DRD3: variants seen among roughly 807,000 people sequenced by gnomAD.
DRD3 encodes dopamine receptor D3.
DRD3 carries 19 observed loss-of-function variants against 36.3 expected under a neutral mutation model. The ratio of observed to expected loss-of-function variants is 0.52; its 90% CI spans 0.36 to 0.77. The LOEUF (loss-of-function observed/expected upper bound fraction) is 0.77, where lower values mean the gene tolerates loss of function less well. DRD3 is among the 30% of genes least tolerant of loss of function. The pLI, the probability that DRD3 is intolerant of heterozygous loss-of-function variation, is 0.00. For missense variants in DRD3, 465 were observed against 505.3 expected, an observed-to-expected ratio of 0.92 and a Z score of 0.77; for synonymous variants, 195 against 203.7, an observed-to-expected ratio of 0.96 and a Z score of 0.36.
intron 4 of DRD3, 72 bp downstream of exon 4, chr3:114,147,343 C>T: frequency 1.3e-6 from 2 of 1,561,072 alleles, no homozygotes; most frequent in Non-Finnish European, 1.8e-6. Flanking sequence ...CAGGGCTGAG[C>T]ACAACTCACA....
At chr3:114,177,251 A>G (rs2077908801) in intron 1 of DRD3, among the ~76,000 whole-genome samples, 1 of 152,170 alleles carries the variant, frequency 6.6e-6, no homozygotes, top group African/African-American at 2.4e-5. Flanking sequence ...TTTCTATGCT[A>G]CTTTCTTCTT....
chr3:114,159,929 C>T, intron 2 of DRD3, 62 bp from the exon 3 acceptor site: 2 of 1,492,578 alleles, frequency 1.3e-6, no homozygotes, highest in Non-Finnish European at 9.3e-7. Context: ...ACCCAGTTGG[C>T]CCTATTTTCT....
chr3:114,188,050 TTG>T (rs2077984948), intron 1 of DRD3, among the ~76,000 whole-genome samples: 1 of 152,074 alleles, frequency 6.6e-6, no homozygotes. Flanking sequence ...CCAAGTGCAC[TTG>T]GAGAATCAAG....
intron 1 of DRD3, among the ~76,000 whole-genome samples, chr3:114,196,776 T>C (rs182120518): frequency 7.9e-4 from 120 of 152,344 alleles, no homozygotes; most frequent in African/African-American, 2.8e-3. Context: ...TCCATATCTT[T>C]GTGTTAGTGT....
chr3:114,156,747 C>CTTTCTTTCTT (rs2077674430), intron 3 of DRD3, among the ~76,000 whole-genome samples: 2 of 82,318 alleles, frequency 2.4e-5, no homozygotes, highest in African/African-American at 9.4e-5. Flanking sequence ...CTTTCTTTTT[C>CTTTCTTTCTT]TTTCTTTCTT....
At chr3:114,179,609 C>G (rs1189468853), upstream of DRD3, among the ~76,000 whole-genome samples, 1 of 152,176 alleles carries the variant, frequency 6.6e-6, no homozygotes, top group South Asian at 2.1e-4. Context: ...AGAACATAAA[C>G]AATCCTAACT....
chr3:114,181,310 C>A (rs942929576), upstream of DRD3, among the ~76,000 whole-genome samples: 4 of 152,188 alleles, frequency 2.6e-5, no homozygotes, highest in African/African-American at 9.7e-5. Flanking sequence ...TGGTAGACTC[C>A]TTGACCCCCG....
intron 1 of DRD3, among the ~76,000 whole-genome samples, chr3:114,189,386 G>T (rs543507441): frequency 6.6e-6 from 1 of 152,300 alleles, no homozygotes; most frequent in East Asian, 1.9e-4. Flanking sequence ...TATACTTGTT[G>T]CATTTGCTTT....
At position 114,198,088 on chromosome 3, in the gene DRD3, T is replaced by G. The variant is rs532572289; in HGVS notation, c.-156+1185A>C. 9.8e-5 allele frequency among the ~76,000 whole-genome samples: 15 copies of G among 152,300 alleles called. No individual in the cohort carries two copies. In the South Asian group the frequency reaches 1.2e-3, roughly 13 times the overall value. On this transcript the variant is annotated intron_variant, in intron 1 of 7. Transcript: ENST00000460779. ...AACACATAAACAAAAGTAAATCTAT[T>G]TATTTAGGTCTCAGTTTTTCTCAGC... is the stretch of plus-strand genomic sequence containing the variant.
intron 1 of DRD3, among the ~76,000 whole-genome samples, chr3:114,196,331 T>TA (rs1190362809): frequency 1.3e-5 from 2 of 152,198 alleles, no homozygotes; most frequent in Non-Finnish European, 2.9e-5. Context: ...TTTATTTTTT[T>TA]AGAGACGGGG....
In DRD3 at chr3:114,131,140, G is replaced by T. The variant is rs2077425628; in HGVS notation, c.984C>A (p.Thr328=). The T allele has an allele frequency of 6.2e-7, 1 of 1,613,842 alleles. No individual in the cohort carries two copies. Among genetic ancestry groups the T allele is most frequent in the South Asian group, 1.1e-5 (1 of 91,080 alleles). The change falls in exon 6 of 7, where the codon ACC becomes ACA. Residue 328 remains threonine (T), a synonymous_variant. Transcript: ENST00000383673. ...RGVPLREKKA[T]QMVAIVLGAF... ...TACCAAGCACAATGGCCACCATTTGGGTTGCCTTCTTCTCCCGAAGTGGCA... is the reference window on the plus strand; with the variant it reads ...TACCAAGCACAATGGCCACCATTTGTGTTGCCTTCTTCTCCCGAAGTGGCA...
chr3:114,160,046 G>A (rs1008739806), intron 2 of DRD3, among the ~76,000 whole-genome samples, 179 bp from the exon 3 acceptor site: 23 of 152,154 alleles, frequency 1.5e-4, no homozygotes, highest in Admixed American at 7.2e-4. Context: ...AAAACTGGTT[G>A]CCTAAAGAAA....
intron 5 of DRD3, among the ~76,000 whole-genome samples, chr3:114,134,868 G>T (rs2077461816): frequency 6.6e-6 from 1 of 152,164 alleles, no homozygotes; most frequent in Admixed American, 6.5e-5. Context: ...TGCATACAAT[G>T]TGTAATGATC....
rs140978604 is a variant in DRD3, at chr3:114,141,037, T to A, written c.527-1341A>T. ...TCTTTAATTAATCAATTAATTAATT[T>A]ATTTATTTTTTGAGACGGAATTTTG... On this transcript the variant is annotated intron_variant, in intron 4 of 6. Coordinates refer to ENST00000383673, the MANE Select transcript of DRD3 (RefSeq NM_000796.6). Among the ~76,000 whole-genome samples the A allele has an allele frequency of 7.4e-3, 1,120 of 152,338 alleles. 17 individuals carry two copies. The highest frequency in any genetic ancestry group is 0.021 in the African/African-American group (887 of 41,582).
intron 4 of DRD3, among the ~76,000 whole-genome samples, chr3:114,143,623 C>T (rs770944247): frequency 6.6e-5 from 10 of 152,128 alleles, no homozygotes; most frequent in Non-Finnish European, 1.5e-4. Context: ...TAGGATGGGC[C>T]TGTTATTCTT....
chr3:114,192,697 C>T (rs73235906), intron 1 of DRD3, among the ~76,000 whole-genome samples: 3,453 of 152,234 alleles, frequency 0.023, 68 homozygotes, highest in Non-Finnish European at 0.036. Context: ...TTGAGGTTGA[C>T]TAATGAAATT....
At chr3:114,152,512 C>CT (rs2077626895) in intron 3 of DRD3, among the ~76,000 whole-genome samples, 1 of 152,156 alleles carries the variant, frequency 6.6e-6, no homozygotes, top group Non-Finnish European at 1.5e-5. Flanking sequence ...TTTTCTTGCT[C>CT]TTTTTTAAAC....
At chr3:114,137,981 G>T in intron 5 of DRD3, among the ~76,000 whole-genome samples, 1 of 128,308 alleles carries the variant, frequency 7.8e-6, no homozygotes, top group Non-Finnish European at 1.6e-5. Flanking sequence ...CTGGGCCACA[G>T]AGCGAGACTC....
intron 2 of DRD3, among the ~76,000 whole-genome samples, chr3:114,166,245 C>G (rs1442338185): frequency 2.0e-5 from 3 of 152,120 alleles, no homozygotes; most frequent in Non-Finnish European, 4.4e-5. Context: ...CTCGGCCTCC[C>G]AAAGTGTGGG....
Sources: gnomAD v4.1 joint callset for allele counts (sites outside exome capture counted in the v4.1 genomes callset) on GRCh38, gnomAD v4.1.1 for gene constraint, MANE v1.5 for transcripts, NCBI Gene and HGNC (gene_info 2026-07-23, HGNC 2026-07-21) for gene names.